Variants in KAZN observed in about 807,000 individuals in gnomAD.
KAZN encodes the protein kazrin, periplakin interacting protein, also known as kazrin.
KAZN carries 40 observed loss-of-function variants against 87.4 expected under a neutral mutation model. The observed-to-expected ratio is 0.46, with a 90% CI of 0.36 to 0.60. KAZN has a LOEUF of 0.60. Among genes scored for constraint, KAZN ranks in the 20% least tolerant of loss-of-function variants. The pLI is 0.00. For missense variants in KAZN, 898 were observed against 1,073.9 expected, an observed-to-expected ratio of 0.84 and a Z score of 2.29; for synonymous variants, 466 against 458.3, an observed-to-expected ratio of 1.02 and a Z score of -0.22.
intron 1 of KAZN, among the ~76,000 whole-genome samples, chr1:13,972,589 C>A (rs541019033): frequency 6.6e-6 from 1 of 152,188 alleles, no homozygotes; most frequent in African/African-American, 2.4e-5. Context: ...GCTGGTGAGC[C>A]CGGAAGGAAG....
chr1:14,025,175 G>A (rs114620422), intron 1 of KAZN, among the ~76,000 whole-genome samples: 5 of 152,184 alleles, frequency 3.3e-5, no homozygotes, highest in Non-Finnish European at 7.3e-5. Flanking sequence ...GGAGGCTGGG[G>A]TGGCCAAGAA....
At chr1:13,964,852 G>T (rs1641886000) in intron 1 of KAZN, among the ~76,000 whole-genome samples, 2 of 152,206 alleles carry the variant, frequency 1.3e-5, no homozygotes, top group Non-Finnish European at 2.9e-5. Context: ...AGTGAGAAGG[G>T]TGCAGGTCGC....
chr1:14,730,788 A>T (rs1643644222), intron 1 of KAZN, among the ~76,000 whole-genome samples: 1 of 152,188 alleles, frequency 6.6e-6, no homozygotes. Flanking sequence ...ACCCTCAGGA[A>T]CATTCCTTCC....
chr1:14,324,677 G>A (rs1225494705), intron 2 of KAZN, among the ~76,000 whole-genome samples: 1 of 152,114 alleles, frequency 6.6e-6, no homozygotes, highest in Non-Finnish European at 1.5e-5. Flanking sequence ...GGAAGTACTT[G>A]AAACATTTAT....
At chr1:14,975,893 G>A (rs10927606) in intron 2 of KAZN, among the ~76,000 whole-genome samples, 27,056 of 151,988 alleles carry the variant, frequency 0.18, 2,639 homozygotes, top group African/African-American at 0.23. Context: ...TTAACTGGGC[G>A]TAGTGGCGGG....
intron 2 of KAZN, among the ~76,000 whole-genome samples, chr1:14,452,779 C>T (rs1481470621): frequency 6.6e-6 from 1 of 152,146 alleles, no homozygotes; most frequent in Non-Finnish European, 1.5e-5. Flanking sequence ...ACGGTGAGGA[C>T]CAAGCATCAA....
intron 2 of KAZN, among the ~76,000 whole-genome samples, chr1:14,564,210 T>C (rs1314567333): frequency 1.3e-5 from 2 of 152,146 alleles, no homozygotes; most frequent in African/African-American, 4.8e-5. Context: ...CATTCTACAA[T>C]GTTCCCTTTG....
intron 1 of KAZN, among the ~76,000 whole-genome samples, chr1:14,723,735 C>T (rs924765846): frequency 2.6e-5 from 4 of 152,176 alleles, no homozygotes; most frequent in Non-Finnish European, 5.9e-5. Context: ...CTCAAAACCA[C>T]GTCGGAGTGT....
chr1:15,029,757 G>A (rs1040255044), intron 2 of KAZN, among the ~76,000 whole-genome samples: 2 of 152,190 alleles, frequency 1.3e-5, no homozygotes, highest in South Asian at 2.1e-4. Flanking sequence ...GAGCCTAGGC[G>A]GGCAGGGGTC....
At chr1:15,093,535 G>A (rs1184970891) in intron 8 of KAZN, among the ~76,000 whole-genome samples, 1 of 152,130 alleles carries the variant, frequency 6.6e-6, no homozygotes, top group African/African-American at 2.4e-5. Flanking sequence ...TCGTGCCTTT[G>A]TCTGGCCCAG....
chr1:15,056,349 G>T lies in KAZN; in HGVS notation c.916+69G>T. ...TTCACAGGAGGCCATCTGACCCAGTGGGAGAGGCAGCTGCTTTGTTCGTAC... is the reference window on the plus strand; with the variant it reads ...TTCACAGGAGGCCATCTGACCCAGTTGGAGAGGCAGCTGCTTTGTTCGTAC... On this transcript the variant is annotated intron_variant, in intron 5 of 14. Transcript: ENST00000376030. This position sits in a 1 kb window ranked among gnomAD's most constrained non-coding sequence, Gnocchi z 5.4. The T allele has an allele frequency of 6.8e-7, 1 of 1,461,326 alleles. No homozygotes were observed. 90.5% of individuals were successfully genotyped at this position (1,461,326 alleles called of 1,614,324 possible).
intron 2 of KAZN, among the ~76,000 whole-genome samples, chr1:14,401,509 T>G (rs1461754737): frequency 2.0e-5 from 3 of 152,030 alleles, no homozygotes; most frequent in Admixed American, 2.0e-4. Flanking sequence ...AAGGATAGTA[T>G]GAAGTTTTAG....
intron 2 of KAZN, among the ~76,000 whole-genome samples, chr1:14,436,733 A>G (rs934944921): frequency 2.1e-5 from 3 of 145,628 alleles, no homozygotes; most frequent in Non-Finnish European, 3.1e-5. Context: ...AAAAAAAAAA[A>G]AAAAACCTTA....
chr1:14,927,188 C>G (rs1659265957), intron 1 of KAZN, among the ~76,000 whole-genome samples: 1 of 152,200 alleles, frequency 6.6e-6, no homozygotes, highest in East Asian at 1.9e-4. Context: ...CATTCCAGAG[C>G]CCCCTCAGAG....
chr1:14,733,789 G>A (rs1029232699), intron 1 of KAZN, among the ~76,000 whole-genome samples: 4 of 152,116 alleles, frequency 2.6e-5, no homozygotes, highest in Admixed American at 1.3e-4. Context: ...AACCACCTGC[G>A]AGCTGTTTGG....
intron 1 of KAZN, among the ~76,000 whole-genome samples, chr1:14,126,336 A>G (rs1644865602): frequency 7.6e-6 from 1 of 132,244 alleles, no homozygotes. Flanking sequence ...TGTATCATAA[A>G]GGCAGAAGCT....
rs1557694936 is a variant in KAZN at position 14,993,078 on chromosome 1, C to T, written c.418+32203C>T. ...CTAGCCTCAAGCAATTTGCCCACCTCGACCTCCCAAAGTGCTGGGATTACA... is the reference window on the plus strand; with the variant it reads ...CTAGCCTCAAGCAATTTGCCCACCTTGACCTCCCAAAGTGCTGGGATTACA... On this transcript the variant is annotated intron_variant, in intron 2 of 14. Transcript: ENST00000376030. Among the ~76,000 whole-genome samples, 3 of 150,810 alleles carry T rather than the reference C, an allele frequency of 2.0e-5. No homozygotes were observed. The South Asian group carries it at 6.3e-4, about 32-fold the overall frequency.
intron 2 of KAZN, among the ~76,000 whole-genome samples, chr1:14,409,484 T>G (rs192603306): frequency 6.6e-6 from 1 of 152,306 alleles, no homozygotes; most frequent in African/African-American, 2.4e-5. Context: ...TGAAAATTCA[T>G]ACCAAGAACT....
At chr1:14,800,286 G>A (rs541090660) in intron 1 of KAZN, among the ~76,000 whole-genome samples, 138 of 152,286 alleles carry the variant, frequency 9.1e-4, no homozygotes, top group African/African-American at 2.7e-3. Flanking sequence ...TCCTATGAGC[G>A]TTCACAGCAG....
Sources: allele counts gnomAD v4.1 joint callset (sites outside exome capture counted in the v4.1 genomes callset), GRCh38; gene constraint gnomAD v4.1.1; non-coding constraint Gnocchi (gnomAD v3.1); transcripts MANE v1.5; gene names NCBI Gene and HGNC (gene_info 2026-07-23, HGNC 2026-07-21).